TBC1D5: variants seen among roughly 807,000 people sequenced by gnomAD.
TBC1D5 encodes the protein TBC1 domain family, member 5.
In TBC1D5, 75 loss-of-function variants were observed where a neutral mutation model predicts 100.3. The observed-to-expected ratio is 0.75, with a 90% CI of 0.62 to 0.91. TBC1D5 has a LOEUF of 0.91. Ranked by LOEUF, TBC1D5 falls within the 40% of genes least tolerant of loss-of-function variation. The pLI is 0.00. For synonymous variants in TBC1D5, 323 were observed against 325.6 expected (o/e 0.99, Z 0.09); for missense variants, 910 against 942.4 (o/e 0.97, Z 0.45).
At chr3:17,280,942 A>G (rs1171944471) in intron 15 of TBC1D5, among the ~76,000 whole-genome samples, 2 of 152,182 alleles carry the variant, frequency 1.3e-5, no homozygotes, top group Non-Finnish European at 2.9e-5. Flanking sequence ...TGGGGCCCGC[A>G]TGGAGTTTTG....
intron 13 of TBC1D5, among the ~76,000 whole-genome samples, chr3:17,350,225 C>A (rs1282363622): frequency 6.7e-6 from 1 of 149,934 alleles, no homozygotes; most frequent in Non-Finnish European, 1.5e-5. Context: ...AACTACTCCC[C>A]AAAAGAAAGA....
intron 2 of TBC1D5, among the ~76,000 whole-genome samples, chr3:17,619,641 A>G (rs565476928): frequency 1.3e-5 from 2 of 152,244 alleles, no homozygotes; most frequent in Non-Finnish European, 2.9e-5. Flanking sequence ...AGTACTTTTT[A>G]AAAGTGCAGG....
intron 2 of TBC1D5, among the ~76,000 whole-genome samples, chr3:17,603,929 G>A (rs1005957546): frequency 5.3e-5 from 8 of 152,132 alleles, no homozygotes; most frequent in African/African-American, 1.9e-4. Context: ...ACAGGCGTGA[G>A]CCACCACGCC....
chr3:17,335,009 A>G (rs2087484125), intron 13 of TBC1D5, among the ~76,000 whole-genome samples: 1 of 150,744 alleles, frequency 6.6e-6, no homozygotes, highest in Non-Finnish European at 1.5e-5. Context: ...TTTAATCAAA[A>G]TAAGATGACA....
Position 17,292,007 on chromosome 3 carries a change from T to C in TBC1D5, c.1139-6A>G. On this transcript the variant is annotated splice_region_variant and splice_polypyrimidine_tract_variant and intron_variant, in intron 14 of 21. Transcript: ENST00000253692. ...CTGGTAGTTACTAGAGATCACTAAA[T>C]AAGAAGAAAAAATAATTCAGATGCA... 1 of 1,608,184 alleles carries C rather than the reference T, an allele frequency of 6.2e-7. No homozygotes were observed. The highest frequency in any genetic ancestry group is 1.1e-5 in the South Asian group (1 of 90,510).
chr3:17,224,196 TG>T (rs1377860983), intron 17 of TBC1D5, among the ~76,000 whole-genome samples: 2 of 152,252 alleles, frequency 1.3e-5, no homozygotes, highest in Admixed American at 6.5e-5. Context: ...GGGCAGGAAG[TG>T]TGGTCATTAC....
At chr3:17,410,014 A>C (rs2093879713) in intron 4 of TBC1D5, among the ~76,000 whole-genome samples, 1 of 152,182 alleles carries the variant, frequency 6.6e-6, no homozygotes, top group African/African-American at 2.4e-5. Flanking sequence ...CTATTGAAGG[A>C]GGATGCCATC....
intron 2 of TBC1D5, among the ~76,000 whole-genome samples, chr3:17,543,035 C>T (rs2096374284): frequency 6.6e-6 from 1 of 151,974 alleles, no homozygotes; most frequent in South Asian, 2.1e-4. Flanking sequence ...TGAACCTAAC[C>T]TAATTTATAT....
chr3:17,413,496 T>C (rs1011902482), intron 4 of TBC1D5, among the ~76,000 whole-genome samples: 5 of 152,184 alleles, frequency 3.3e-5, no homozygotes, highest in African/African-American at 1.2e-4. Context: ...CTGATGATTA[T>C]AATGAGATTA....
chr3:17,704,239 T>C (rs2073646776), intron 1 of TBC1D5, among the ~76,000 whole-genome samples: 2 of 135,994 alleles, frequency 1.5e-5, no homozygotes, highest in African/African-American at 2.7e-5. Context: ...GGGTTGGGGG[T>C]AAGGTCACAG....
chr3:17,619,181 T>C (rs532315939), intron 2 of TBC1D5, among the ~76,000 whole-genome samples: 1 of 152,266 alleles, frequency 6.6e-6, no homozygotes, highest in East Asian at 1.9e-4. Context: ...GAAAAAGAAA[T>C]ACCCTGTCCT....
intron 3 of TBC1D5, among the ~76,000 whole-genome samples, chr3:17,436,385 T>A (rs771162523): frequency 6.6e-6 from 1 of 152,206 alleles, no homozygotes; most frequent in Non-Finnish European, 1.5e-5. Flanking sequence ...ATCAATGTAT[T>A]TATAATACTG....
chr3:17,645,247 C>T (rs1409567386), intron 1 of TBC1D5, among the ~76,000 whole-genome samples: 1 of 151,952 alleles, frequency 6.6e-6, no homozygotes, highest in Non-Finnish European at 1.5e-5. Context: ...TTCTCAGATC[C>T]CAAATGACCA....
intron 1 of TBC1D5, among the ~76,000 whole-genome samples, chr3:17,650,930 G>A (rs2065487807): frequency 6.6e-6 from 1 of 152,176 alleles, no homozygotes; most frequent in Admixed American, 6.5e-5. Flanking sequence ...GCATTGACAT[G>A]TAAGAATTTC....
intron 15 of TBC1D5, among the ~76,000 whole-genome samples, chr3:17,264,759 T>G (rs1446606103): frequency 1.3e-5 from 2 of 152,150 alleles, no homozygotes; most frequent in Non-Finnish European, 1.5e-5. Flanking sequence ...GCAGTAAGGA[T>G]TAATTGACAC....
intron 3 of TBC1D5, among the ~76,000 whole-genome samples, chr3:17,477,135 T>A (rs916675464): frequency 3.3e-5 from 5 of 151,982 alleles, no homozygotes; most frequent in African/African-American, 9.6e-5. Context: ...ATTTTTTTAA[T>A]GTTTCCCCTA....
chr3:17,378,512 T>A lies in TBC1D5; in HGVS notation c.613-1899A>T, dbSNP rs1453149917. Among the ~76,000 whole-genome samples the A allele has an allele frequency of 2.0e-5, 3 of 151,908 alleles. No homozygotes were observed. The East Asian group carries it at 5.8e-4, about 29-fold the overall frequency. On this transcript the variant is annotated intron_variant, in intron 9 of 21. Coordinates refer to ENST00000253692, the Ensembl canonical transcript of TBC1D5. ...CGTTTTTACTTAATAAATTGCCCTT[T>A]TTCTCCTCATGAAATGTTTCGTTTC...
chr3:17,256,139 T>C (rs2077645762), intron 16 of TBC1D5, among the ~76,000 whole-genome samples: 1 of 152,164 alleles, frequency 6.6e-6, no homozygotes, highest in South Asian at 2.1e-4. Context: ...TTTATTTTTA[T>C]GTTTGCTTGT....
exon 13 of TBC1D5, chr3:17,372,148 G>A (rs377592062): frequency 1.2e-6 from 2 of 1,613,690 alleles, no homozygotes; most frequent in African/African-American, 2.7e-5. Flanking sequence ...TTCTTCAGTA[G>A]ATGATCCTGG....
Sources: allele counts gnomAD v4.1 joint callset (sites outside exome capture counted in the v4.1 genomes callset), GRCh38; gene constraint gnomAD v4.1.1; transcripts MANE v1.5; gene names NCBI Gene and HGNC (gene_info 2026-07-23, HGNC 2026-07-21).